Variants in NPR3 observed in about 807,000 individuals in gnomAD.
NPR3 encodes atrial natriuretic peptide receptor 3.
A neutral mutation model predicts 54.5 loss-of-function variants in NPR3; 34 were observed. The observed-to-expected ratio is 0.62, with a 90% CI of 0.47 to 0.83. The LOEUF (loss-of-function observed/expected upper bound fraction) is 0.83. NPR3 is among the 40% of genes least tolerant of loss of function. The probability of loss-of-function intolerance (pLI) is 0.00; values close to 1 mark genes in which losing one functional copy is unlikely to be tolerated. For missense variants in NPR3, 674 were observed against 720.8 expected (o/e 0.94, Z 0.74); for synonymous variants, 289 against 297.1 (o/e 0.97, Z 0.28).
intron 4 of NPR3, among the ~76,000 whole-genome samples, chr5:32,778,725 C>T (rs1742193962): frequency 6.6e-6 from 1 of 152,220 alleles, no homozygotes; most frequent in Admixed American, 6.5e-5. Flanking sequence ...GGTGAAGTCT[C>T]ACTTTGCTAA....
intron 1 of NPR3, among the ~76,000 whole-genome samples, chr5:32,699,470 A>C (rs1438855789): frequency 6.6e-6 from 1 of 151,064 alleles, no homozygotes; most frequent in East Asian, 1.9e-4. Context: ...TCATCCCCTA[A>C]CCCCCTGACT....
chr5:32,693,848 A>T (rs1247667460), intron 1 of NPR3, among the ~76,000 whole-genome samples: 3 of 152,254 alleles, frequency 2.0e-5, no homozygotes, highest in South Asian at 4.1e-4. Context: ...TTCTCTCATT[A>T]TTTATAACAC....
At chr5:32,739,848 A>G (rs1440105253) in intron 3 of NPR3, among the ~76,000 whole-genome samples, 2 of 152,190 alleles carry the variant, frequency 1.3e-5, no homozygotes, top group African/African-American at 2.4e-5. Context: ...TAATCACTCT[A>G]CAGCATCCCA....
Position 32,699,710 on chromosome 5 carries a change from A to G in NPR3, c.100+10524A>G, listed in dbSNP as rs118004013. ...TTATGTTGTTGTCATTCTACTCGAC[A>G]TGAGTAGTTTACACACCACAATTAC... On this transcript the variant is annotated intron_variant, in intron 1 of 5. Transcript: ENST00000509104. Among the ~76,000 whole-genome samples, 20 of 152,360 alleles carry G rather than the reference A, an allele frequency of 1.3e-4. No homozygotes were observed. In the East Asian group the frequency reaches 3.5e-3, roughly 26 times the overall value.
intron 1 of NPR3, among the ~76,000 whole-genome samples, chr5:32,717,669 G>A (rs572658363): frequency 4.6e-5 from 7 of 152,260 alleles, no homozygotes; most frequent in African/African-American, 1.7e-4. Context: ...AGAAGTGTCT[G>A]TTCATATCCT....
At chr5:32,706,852 G>A (rs1738006690), upstream of NPR3, among the ~76,000 whole-genome samples, 1 of 152,080 alleles carries the variant, frequency 6.6e-6, no homozygotes, top group Non-Finnish European at 1.5e-5. Context: ...GTTTTTTAGG[G>A]ATAAACTACA....
chr5:32,706,216 G>T (rs1480461461), upstream of NPR3, among the ~76,000 whole-genome samples: 2 of 152,326 alleles, frequency 1.3e-5, no homozygotes, highest in African/African-American at 4.8e-5. Context: ...ATTCTTGTAA[G>T]CTTGCTGAGG....
intron 3 of NPR3, among the ~76,000 whole-genome samples, chr5:32,750,623 G>A (rs1740527062): frequency 3.3e-5 from 5 of 152,108 alleles, no homozygotes; most frequent in African/African-American, 1.2e-4. Flanking sequence ...GCCATTTTTT[G>A]TGGGGTGGAG....
intron 2 of NPR3, among the ~76,000 whole-genome samples, chr5:32,729,011 TG>T (rs2111908800): frequency 7.5e-6 from 1 of 133,218 alleles, no homozygotes; most frequent in African/African-American, 3.0e-5. Context: ...TGTGTGCCTG[TG>T]TGTTTTTTTT....
chr5:32,717,305 A>G (rs1445528911), intron 1 of NPR3, among the ~76,000 whole-genome samples: 1 of 152,160 alleles, frequency 6.6e-6, no homozygotes, highest in Non-Finnish European at 1.5e-5. Flanking sequence ...TAGTGCCGCA[A>G]TAAATATACG....
In NPR3 at chr5:32,789,569, C is replaced by T. The variant is rs747384993; in HGVS notation, c.*3224C>T. The stretch of plus-strand genomic sequence containing the variant: ...ATGGGAAAAGAACACCTCCTTTTCT[C>T]CTTTCTCTTAAATTCAAAGACGTTT... On this transcript the variant is annotated 3_prime_UTR_variant, in exon 8 of 8. Transcript: ENST00000265074. 3.7e-6 allele frequency: 2 copies of T among 534,736 alleles called. No individual in the cohort carries two copies. The highest frequency in any genetic ancestry group is 7.7e-6 in the Non-Finnish European group (2 of 260,076). The allele number at this position is 534,736 out of a possible 1,614,324, so 33.1% of individuals were successfully genotyped here. A position where few individuals can be genotyped will look rare whatever the true frequency, so the allele number is the denominator to read the frequency against.
chr5:32,712,515 A>T lies in NPR3; in HGVS notation c.739A>T (p.Ile247Phe), dbSNP rs1738309435. ...DETKDLDLED[I>F]VRNIQASERV... ...GACCAAAGACTTGGATCTGGAAGAC[A>T]TCGTGCGCAATATCCAGGCCAGTGA... The change falls in exon 1 of 8, where the codon ATC (isoleucine) becomes TTC (phenylalanine). Residue 247 changes from isoleucine (I) to phenylalanine (F), a missense_variant. Transcript: ENST00000265074. 6.5e-7 allele frequency: 1 copy of T among 1,540,048 alleles called. No individual in the cohort carries two copies. Among genetic ancestry groups the T allele is most frequent in the Non-Finnish European group, 8.7e-7 (1 of 1,145,432 alleles).
rs1010946521 is a variant in NPR3 at position 32,728,858 on chromosome 5, T to A, written c.892+4038T>A. 1.4e-4 allele frequency among the ~76,000 whole-genome samples: 18 copies of A among 127,104 alleles called. 1 individual carries two copies. Among genetic ancestry groups the A allele is most frequent in the African/African-American group, 5.9e-4 (18 of 30,316 alleles). 83.4% of individuals were successfully genotyped at this position (127,104 alleles called of 152,430 possible). On this transcript the variant is annotated intron_variant, in intron 2 of 7. Coordinates refer to ENST00000265074, the MANE Select transcript of NPR3 (RefSeq NM_001204375.2). The stretch of plus-strand genomic sequence containing the variant: ...GTGTGTATATATATATATATATATA[T>A]ATATATATATATATATATGTAAAAT...
At chr5:32,724,905 ATATGTGG>A in intron 2 of NPR3, 85 bp downstream of exon 2, 2 of 1,452,610 alleles carry the variant, frequency 1.4e-6, no homozygotes, top group Non-Finnish European at 1.9e-6. Context: ...TGGATAAATA[ATATGTGG>A]TACATAAACA....
upstream of NPR3, among the ~76,000 whole-genome samples, chr5:32,706,039 G>A (rs907896731): frequency 2.0e-5 from 3 of 152,112 alleles, no homozygotes; most frequent in Admixed American, 2.0e-4. Context: ...GGGGCCTGGT[G>A]GGAGATGTTT....
intron 4 of NPR3, among the ~76,000 whole-genome samples, chr5:32,780,363 A>C (rs1424477432): frequency 6.6e-6 from 1 of 152,182 alleles, no homozygotes; most frequent in Non-Finnish European, 1.5e-5. Flanking sequence ...CAAATCTATA[A>C]ATGTACCCCA....
At chr5:32,710,602 C>A, upstream of NPR3, 1 of 1,402,644 alleles carries the variant, frequency 7.1e-7, no homozygotes, top group Non-Finnish European at 9.3e-7. Context: ...GGGGCTGGCG[C>A]GGGGCTGAGG....
At position 32,765,422 on chromosome 5, in the gene NPR3, G is replaced by A. The variant is rs937772559; in HGVS notation, c.1060-9286G>A. Among the ~76,000 whole-genome samples, 26 of 152,172 alleles carry A rather than the reference G, an allele frequency of 1.7e-4. 1 individual carries two copies. The highest frequency in any genetic ancestry group is 1.6e-3 in the Admixed American group (24 of 15,270). ...TCTTCCCCTAGCTTATAGAACATTA[G>A]TGGGAGTGAGTGAGAGAGGGGATGA... is the stretch of plus-strand genomic sequence containing the variant. On this transcript the variant is annotated intron_variant, in intron 3 of 7. Transcript: ENST00000265074.
intron 1 of NPR3, among the ~76,000 whole-genome samples, chr5:32,693,912 C>T (rs550858628): frequency 6.6e-6 from 1 of 152,336 alleles, no homozygotes; most frequent in Non-Finnish European, 1.5e-5. Context: ...TCTGTGCCTT[C>T]ATACAATCTG....
Sources: allele counts gnomAD v4.1 joint callset (sites outside exome capture counted in the v4.1 genomes callset), GRCh38; gene constraint gnomAD v4.1.1; transcripts MANE v1.5; gene names NCBI Gene and HGNC (gene_info 2026-07-23, HGNC 2026-07-21).